The following TRPC6 variants were observed in gnomAD, a reference collection of about 807,000 sequenced individuals.
TRPC6 encodes the protein transient receptor potential cation channel subfamily C member 6, also known as short transient receptor potential channel 6.
A neutral mutation model predicts 90.7 loss-of-function variants in TRPC6; 55 were observed. The observed-to-expected ratio is 0.61, with a 90% CI of 0.49 to 0.76. The LOEUF is 0.76. TRPC6 is among the 30% of genes least tolerant of loss of function. The pLI is 0.00. For synonymous variants in TRPC6, 393 were observed against 393.0 expected, an observed-to-expected ratio of 1.00 and a Z score of 0.00; for missense variants, 989 against 1,122.7, an observed-to-expected ratio of 0.88 and a Z score of 1.70.
chr11:101,470,337 C>T (rs755322200), intron 9 of TRPC6, among the ~76,000 whole-genome samples: 2 of 152,186 alleles, frequency 1.3e-5, no homozygotes, highest in Non-Finnish European at 2.9e-5. Flanking sequence ...ATGGAAATTA[C>T]AAAGATATTT....
At chr11:101,487,777 T>C (rs968106760) in intron 4 of TRPC6, among the ~76,000 whole-genome samples, 7 of 152,154 alleles carry the variant, frequency 4.6e-5, no homozygotes, top group Non-Finnish European at 7.4e-5. Context: ...AAGGGGAAAA[T>C]ATCTATGATG....
chr11:101,525,625 A>G lies in TRPC6; in HGVS notation c.171-20827T>C, dbSNP rs545713632. ...GAACAAAAGGCAGAAGTTAAGAGAGAACGTAACACGTTTTTGGAACTCAAA... is the reference window on the plus strand; with the variant it reads ...GAACAAAAGGCAGAAGTTAAGAGAGGACGTAACACGTTTTTGGAACTCAAA... On this transcript the variant is annotated intron_variant, in intron 1 of 12. Coordinates refer to ENST00000344327, the MANE Select transcript of TRPC6 (RefSeq NM_004621.6). Among the ~76,000 whole-genome samples, 3 of 152,280 alleles carry G rather than the reference A, an allele frequency of 2.0e-5. No homozygotes were observed. In the South Asian group the frequency reaches 6.2e-4, roughly 32 times the overall value.
chr11:101,568,375 A>C (rs1162190281), intron 1 of TRPC6, among the ~76,000 whole-genome samples: 1 of 152,226 alleles, frequency 6.6e-6, no homozygotes, highest in Non-Finnish European at 1.5e-5. Context: ...AAAAGACCAA[A>C]TCTATGTTTG....
chr11:101,583,635 C>T lies in TRPC6; in HGVS notation c.-132G>A, dbSNP rs1862256258. The T allele has an allele frequency of 1.9e-6, 2 of 1,048,076 alleles. No homozygotes were observed. Among genetic ancestry groups the T allele is most frequent in the Non-Finnish European group, 2.6e-6 (2 of 782,600 alleles). 64.9% of individuals were successfully genotyped at this position (1,048,076 alleles called of 1,614,324 possible). On this transcript the variant is annotated 5_prime_UTR_variant, in exon 1 of 13. Coordinates refer to ENST00000344327, the MANE Select transcript of TRPC6 (RefSeq NM_004621.6). ...GGGCAGACCGGTGCCCAGGGGACGACGGTGAAGCAGGGGGTGCAGACGCCC... is the reference window on the plus strand; with the variant it reads ...GGGCAGACCGGTGCCCAGGGGACGATGGTGAAGCAGGGGGTGCAGACGCCC...
At chr11:101,520,856 G>C (rs1018341063) in intron 1 of TRPC6, among the ~76,000 whole-genome samples, 2 of 152,094 alleles carry the variant, frequency 1.3e-5, no homozygotes, top group Admixed American at 6.5e-5. Flanking sequence ...TGGATTTAGG[G>C]TATCTAATGG....
At chr11:101,475,040 G>C (rs1859379625) in intron 6 of TRPC6, among the ~76,000 whole-genome samples, 1 of 152,130 alleles carries the variant, frequency 6.6e-6, no homozygotes, top group African/African-American at 2.4e-5. Flanking sequence ...GAAACTGGAG[G>C]ATATGTCTGC....
intron 1 of TRPC6, among the ~76,000 whole-genome samples, chr11:101,532,626 AGAG>A (rs1860933560): frequency 6.6e-6 from 1 of 152,176 alleles, no homozygotes; most frequent in South Asian, 2.1e-4. Context: ...ACTCCTGTAA[AGAG>A]AAGAGGTCTG....
Position 101,546,621 on chromosome 11 carries a change from ATACT to A in TRPC6, c.170+36709_170+36712del, listed in dbSNP as rs1285903768. Among the ~76,000 whole-genome samples the A allele has an allele frequency of 3.3e-5, 5 of 152,298 alleles. No individual in the cohort carries two copies. In the South Asian group the frequency reaches 1.0e-3, roughly 32 times the overall value. On this transcript the variant is annotated intron_variant, in intron 1 of 12. Coordinates refer to ENST00000344327, the MANE Select transcript of TRPC6 (RefSeq NM_004621.6). ...TTTCATGTACAAGGTGGGAATTGTA[ATACT>A]TACTTGTAACACTGATCTGAGTTTT...
intron 1 of TRPC6, among the ~76,000 whole-genome samples, chr11:101,549,640 C>T (rs11224842): frequency 0.62 from 92,502 of 150,382 alleles, 29,172 homozygotes; most frequent in East Asian, 0.96. Flanking sequence ...GAGAGAAAAA[C>T]TGACAGAGAA....
At chr11:101,511,095 T>G (rs1485698949) in intron 1 of TRPC6, among the ~76,000 whole-genome samples, 1 of 152,186 alleles carries the variant, frequency 6.6e-6, no homozygotes, top group Non-Finnish European at 1.5e-5. Context: ...TTGCATTTTA[T>G]TACATGCACA....
At chr11:101,547,807 C>A (rs1306854690) in intron 1 of TRPC6, among the ~76,000 whole-genome samples, 2 of 152,078 alleles carry the variant, frequency 1.3e-5, no homozygotes, top group Non-Finnish European at 2.9e-5. Context: ...TCTTTGATCC[C>A]AGTAGGCACT....
chr11:101,551,773 A>C (rs1388951575), intron 1 of TRPC6, among the ~76,000 whole-genome samples: 2 of 152,108 alleles, frequency 1.3e-5, no homozygotes, highest in African/African-American at 4.8e-5. Flanking sequence ...TTTCAAGGAC[A>C]TCTCTAAAGC....
chr11:101,559,612 G>A (rs1362572813), intron 1 of TRPC6, among the ~76,000 whole-genome samples: 1 of 150,932 alleles, frequency 6.6e-6, no homozygotes, highest in African/African-American at 2.4e-5. Flanking sequence ...CTACACCTAA[G>A]AGCATCCACT....
chr11:101,542,302 C>A (rs1861191699), intron 1 of TRPC6, among the ~76,000 whole-genome samples: 1 of 152,298 alleles, frequency 6.6e-6, no homozygotes, highest in Non-Finnish European at 1.5e-5. Context: ...TGCTAATTAA[C>A]TCCTCATGAC....
rs199985022 is a variant in TRPC6 at position 101,476,302 on chromosome 11, C to T, written c.1743G>A (p.Leu581=). The change falls in exon 6 of 13, where the codon TTG becomes TTA. Residue 581 remains leucine (L), a splice_region_variant and synonymous_variant. Transcript: ENST00000344327. ...TLGDNVKYYN[L]ARIKWDPSDP... is the part of the protein sequence containing the mutation. ...ATATTGACTGTACTGTAAACTCACC[C>T]AAATTGTAGTATTTCACATTGTCTC... 2 of 1,613,698 alleles carry T rather than the reference C, an allele frequency of 1.2e-6. No individual in the cohort carries two copies. The highest frequency in any genetic ancestry group is 8.5e-7 in the Non-Finnish European group (1 of 1,179,712).
chr11:101,461,861 T>C, intron 10 of TRPC6, among the ~76,000 whole-genome samples: 1 of 152,146 alleles, frequency 6.6e-6, no homozygotes, highest in East Asian at 1.9e-4. Flanking sequence ...ATGACCAACA[T>C]GATTTCACCA....
Position 101,560,547 on chromosome 11 carries a change from A to C in TRPC6, c.170+22787T>G, listed in dbSNP as rs1466904511. Among the ~76,000 whole-genome samples, 11 of 152,072 alleles carry C rather than the reference A, an allele frequency of 7.2e-5. 1 individual carries two copies. Among genetic ancestry groups the C allele is most frequent in the Admixed American group, 3.9e-4 (6 of 15,254 alleles). On this transcript the variant is annotated intron_variant, in intron 1 of 12. Transcript: ENST00000344327. ...CATTTTTAGATAATGTGTGTGACAA[A>C]CTGTTTTGTAACTAACAGGTATATT...
chr11:101,536,129 G>A (rs1384620535), intron 1 of TRPC6, among the ~76,000 whole-genome samples: 6 of 152,250 alleles, frequency 3.9e-5, no homozygotes, highest in Non-Finnish European at 5.9e-5. Context: ...CCTCACGCCT[G>A]TAATCCCAAC....
intron 1 of TRPC6, among the ~76,000 whole-genome samples, chr11:101,563,729 T>C (rs11224859): frequency 0.34 from 52,095 of 151,814 alleles, 10,370 homozygotes; most frequent in East Asian, 0.94. Flanking sequence ...GAGGAGACAC[T>C]GTGGGTTTGT....
Sources: allele counts gnomAD v4.1 joint callset (sites outside exome capture counted in the v4.1 genomes callset), GRCh38; gene constraint gnomAD v4.1.1; transcripts MANE v1.5; gene names NCBI Gene and HGNC (gene_info 2026-07-23, HGNC 2026-07-21).